The following RNH1 variants were observed in gnomAD, a reference collection of about 807,000 sequenced individuals.
The protein encoded by RNH1 is ribonuclease inhibitor.
RNH1 carries 38 observed loss-of-function variants against 46.1 expected under a neutral mutation model. That is an observed-to-expected ratio of 0.82 (90% CI 0.64 to 1.08). The LOEUF is 1.08. Ranked by LOEUF, RNH1 falls within the 50% of genes least tolerant of loss-of-function variation. RNH1 has a pLI of 0.00. For synonymous variants in RNH1, 319 were observed against 279.1 expected (o/e 1.14, Z -1.43); for missense variants, 577 against 590.7 (o/e 0.98, Z 0.24).
intron 1 of RNH1, chr11:506,885 C>G (rs1410262701): frequency 6.6e-6 from 1 of 152,290 alleles, no homozygotes; most frequent in Non-Finnish European, 1.5e-5. Context: ...ATGACGTCCT[C>G]AAGGCGCGCC....
rs148980026 is a variant in RNH1, at chr11:502,835, G to A, written c.-87-586C>T. The A allele has an allele frequency of 3.0e-3, 455 of 153,044 alleles. No individual in the cohort carries two copies. The highest frequency in any genetic ancestry group is 0.01 in the Middle Eastern group (3 of 300). The allele number at this position is 153,044 out of a possible 1,614,324, so 9.5% of individuals were successfully genotyped here. ...GGCTACAGCACATCCCCTGCCCCAC[G>A]GCACACTAGCCCAGAGGCTGGGCTA... On this transcript the variant is annotated intron_variant, in intron 2 of 10. Coordinates refer to ENST00000354420, the MANE Select transcript of RNH1 (RefSeq NM_203387.3). This position sits in a 1 kb window ranked among gnomAD's most constrained non-coding sequence, Gnocchi z 5.8.
At position 501,230 on chromosome 11, in the gene RNH1, G is replaced by T. The variant is rs998257907; in HGVS notation, c.102-576C>A. ...TGGCAGACGGCGCCTGTGACAGGACGCTCCTGGCAGGCCCCACGGCATCTC... is the reference window on the plus strand; with the variant it reads ...TGGCAGACGGCGCCTGTGACAGGACTCTCCTGGCAGGCCCCACGGCATCTC... On this transcript the variant is annotated intron_variant, in intron 3 of 10. Coordinates refer to ENST00000354420, the MANE Select transcript of RNH1 (RefSeq NM_203387.3). This position sits in a 1 kb window ranked among gnomAD's most constrained non-coding sequence, Gnocchi z 4.1. The T allele has an allele frequency of 4.9e-6, 1 of 203,026 alleles. No homozygotes were observed. Among genetic ancestry groups the T allele is most frequent in the Admixed American group, 5.3e-5 (1 of 18,870 alleles). 12.6% of individuals were successfully genotyped at this position (203,026 alleles called of 1,614,324 possible). A position where few individuals can be genotyped will look rare whatever the true frequency, so the allele number is the denominator to read the frequency against.
At chr11:496,871 A>G (rs1168649899) in intron 9 of RNH1, among the ~76,000 whole-genome samples, 2 of 152,280 alleles carry the variant, frequency 1.3e-5, no homozygotes, top group African/African-American at 2.4e-5. Context: ...CGCAAGGGAG[A>G]AAGGTGGGCG....
intron 1 of RNH1, chr11:506,288 C>A (rs1030122160): frequency 2.0e-5 from 3 of 152,218 alleles, no homozygotes; most frequent in Non-Finnish European, 2.9e-5. Flanking sequence ...GGTTCTAAGG[C>A]CCTTCTGAAA....
At chr11:505,271 G>C (rs1257547080) in intron 1 of RNH1, 1 of 152,108 alleles carries the variant, frequency 6.6e-6, no homozygotes, top group Non-Finnish European at 1.5e-5. Flanking sequence ...TTTAAAATAA[G>C]AATGGCCCTG....
Position 494,641 on chromosome 11 carries a change from A to G in RNH1, c.*50T>C, listed in dbSNP as rs573040422. The G allele has an allele frequency of 5.3e-5, 82 of 1,550,466 alleles. No individual in the cohort carries two copies. In the East Asian group the frequency reaches 1.7e-3, roughly 33 times the overall value. On this transcript the variant is annotated 3_prime_UTR_variant, in exon 11 of 11. Transcript: ENST00000354420. Reference sequence around the variant, plus strand: ...AGCATGGCAGGGGCTGGTGGGCCCCAGGGTTGCCTCGAGGCCGGTCGTCCA... The same window carrying G: ...AGCATGGCAGGGGCTGGTGGGCCCCGGGGTTGCCTCGAGGCCGGTCGTCCA...
intron 10 of RNH1, 40 bp downstream of exon 10, chr11:494,843 G>A (rs770570796): frequency 6.2e-7 from 1 of 1,612,034 alleles, no homozygotes; most frequent in Non-Finnish European, 8.5e-7. Context: ...TCCTCCCTGG[G>A]CAGCCCTGGC....
intron 10 of RNH1, 43 bp downstream of exon 10, chr11:494,840 T>A (rs375479102): frequency 4.5e-6 from 7 of 1,572,638 alleles, no homozygotes; most frequent in African/African-American, 1.4e-5. Context: ...CCTTCCTCCC[T>A]GGGCAGCCCT....
In RNH1 at chr11:494,671, G is replaced by GAGC. The variant is rs1848875340; in HGVS notation, c.*17_*19dup. On this transcript the variant is annotated 3_prime_UTR_variant, in exon 11 of 11. Transcript: ENST00000354420. ...TGCCTCGAGGCCGGTCGTCCAGGGA[G>GAGC]AGCAGCAGCAGGAAGAGCCTCAGGA... The GAGC allele has an allele frequency of 1.2e-6, 2 of 1,611,804 alleles. No homozygotes were observed. The highest frequency in any genetic ancestry group is 8.5e-7 in the Non-Finnish European group (1 of 1,178,484).
chr11:496,666 C>CAAA lies in RNH1; in HGVS notation c.1127+1302_1127+1304dup, dbSNP rs559633991. Among the ~76,000 whole-genome samples the CAAA allele has an allele frequency of 2.0e-5, 3 of 152,082 alleles. No homozygotes were observed. The South Asian group carries it at 6.2e-4, about 32-fold the overall frequency. ...CCTGGGCGACAGAGCAAGACTCTCT[C>CAAA]AAAAAAACAAACAAAATAAAATTAG... On this transcript the variant is annotated intron_variant, in intron 9 of 10. Transcript: ENST00000354420.
At position 502,459 on chromosome 11, in the gene RNH1, C is replaced by T; in HGVS notation, c.-87-210G>A. ...AGATGCCAGCCCATCTCCTGGCTAT[C>T]ACCACCCAGCCTCTGTGGGCACCTC... On this transcript the variant is annotated intron_variant, in intron 2 of 10. Coordinates refer to ENST00000354420, the MANE Select transcript of RNH1 (RefSeq NM_203387.3). This position sits in a 1 kb window ranked among gnomAD's most constrained non-coding sequence, Gnocchi z 5.8. 1 of 479,316 alleles carries T rather than the reference C, an allele frequency of 2.1e-6. No homozygotes were observed. Among genetic ancestry groups the T allele is most frequent in the Non-Finnish European group, 3.8e-6 (1 of 261,000 alleles). The allele number at this position is 479,316 out of a possible 1,614,324, so 29.7% of individuals were successfully genotyped here.
intron 9 of RNH1, among the ~76,000 whole-genome samples, chr11:495,617 C>T (rs538906417): frequency 6.6e-6 from 1 of 152,286 alleles, no homozygotes; most frequent in African/African-American, 2.4e-5. Flanking sequence ...AAGGTGGGGG[C>T]CAGGGAAGCT....
At position 501,929 on chromosome 11, in the gene RNH1, C is replaced by T. The variant is rs7947733; in HGVS notation, c.101+133G>A. 2.5e-5 allele frequency: 16 copies of T among 630,764 alleles called. No individual in the cohort carries two copies. The highest frequency in any genetic ancestry group is 3.9e-4 in the Middle Eastern group (1 of 2,538). 39.1% of individuals were successfully genotyped at this position (630,764 alleles called of 1,614,324 possible). Reference sequence around the variant, plus strand: ...AAACACAAGAATCACATCTCATGCACGTGGTAGCTGCACAGAATTCATACT... The same window carrying T: ...AAACACAAGAATCACATCTCATGCATGTGGTAGCTGCACAGAATTCATACT... On this transcript the variant is annotated intron_variant, in intron 3 of 10. Coordinates refer to ENST00000354420, the MANE Select transcript of RNH1 (RefSeq NM_203387.3). This position sits in a 1 kb window ranked among gnomAD's most constrained non-coding sequence, Gnocchi z 4.1.
chr11:506,416 T>C (rs1046231262), intron 1 of RNH1: 4 of 152,202 alleles, frequency 2.6e-5, no homozygotes, highest in Non-Finnish European at 5.9e-5. Context: ...CCCTTCGTCA[T>C]TTCCGCCAAC....
chr11:505,114 G>A (rs1376745100), intron 1 of RNH1, 118 bp from the exon 2 acceptor site: 1 of 151,910 alleles, frequency 6.6e-6, no homozygotes, highest in East Asian at 1.9e-4. Context: ...TCTAAAACAT[G>A]TAAAACCAAA....
chr11:496,757 C>T (rs1032968163), intron 9 of RNH1, among the ~76,000 whole-genome samples: 1 of 152,198 alleles, frequency 6.6e-6, no homozygotes, highest in African/African-American at 2.4e-5. Context: ...GCACAAGACC[C>T]CAAAAATTAC....
chr11:499,850 T>TG lies in RNH1; in HGVS notation c.421dup (p.Gln141ProfsTer38). 6.2e-7 allele frequency: 1 copy of TG among 1,610,610 alleles called. No homozygotes were observed. The highest frequency in any genetic ancestry group is 8.5e-7 in the Non-Finnish European group (1 of 1,178,424). On this transcript the variant is annotated frameshift_variant, in exon 5 of 11. Transcript: ENST00000354420. LOFTEE classifies it high-confidence loss of function. ...TCACTGCAGCTTTTCCAGGCGGCAC[T>TG]GGGGGTCCAGGAGTCCTTCGCAGAG...
chr11:497,571 A>ACT (rs71022917), intron 9 of RNH1, among the ~76,000 whole-genome samples: 100,183 of 118,870 alleles, frequency 0.84, 42,926 homozygotes, highest in African/African-American at 0.93. Context: ...ACACACGGAC[A>ACT]CGTGCTCATT....
At chr11:498,348 G>A (rs549572853) in intron 8 of RNH1, 109 bp downstream of exon 8, 14 of 1,441,740 alleles carry the variant, frequency 9.7e-6, no homozygotes, top group South Asian at 6.4e-5. Context: ...TCTGAAGGTC[G>A]GAGCTGAGCC....
Sources: gnomAD v4.1 joint callset for allele counts (sites outside exome capture counted in the v4.1 genomes callset) on GRCh38, gnomAD v4.1.1 for gene constraint, Gnocchi (gnomAD v3.1) non-coding constraint, MANE v1.5 for transcripts, NCBI Gene and HGNC (gene_info 2026-07-23, HGNC 2026-07-21) for gene names.